GARS1: variants seen among roughly 807,000 people sequenced by gnomAD.
The protein encoded by GARS1 is glycyl-tRNA synthetase 1.
In GARS1, 46 loss-of-function variants were observed where a neutral mutation model predicts 86.4. The ratio of observed to expected loss-of-function variants is 0.53; its 90% CI spans 0.42 to 0.68. GARS1 has a LOEUF of 0.68. Ranked by LOEUF, GARS1 falls within the 30% of genes least tolerant of loss-of-function variation. GARS1 has a pLI of 0.00. For synonymous variants in GARS1, 342 were observed against 329.8 expected, an observed-to-expected ratio of 1.04 and a Z score of -0.40; for missense variants, 797 against 915.6, an observed-to-expected ratio of 0.87 and a Z score of 1.67.
chr7:30,633,817 T>C lies in GARS1; in HGVS notation c.2177T>C (p.Phe726Ser), dbSNP rs1397264514. The C allele has an allele frequency of 1.2e-6, 2 of 1,613,956 alleles. No homozygotes were observed. Among genetic ancestry groups the C allele is most frequent in the Non-Finnish European group, 1.7e-6 (2 of 1,180,008 alleles). Residue 726 changes from phenylalanine (F) to serine (S), a missense_variant, in exon 17 of 17, where the codon TTT becomes TCT. Phe to Ser is a radical substitution (Grantham distance 155). Transcript: ENST00000389266. ...WADVEARYPL[F>S]EGQETGKKET... ...GATGTGGAGGCCAGGTATCCTCTGT[T>C]TGAAGGGCAAGAGACTGGTAAAAAA...
Position 30,599,112 on chromosome 7 carries a change from C to T in GARS1, c.324+215C>T, listed in dbSNP as rs149335364. On this transcript the variant is annotated intron_variant, in intron 2 of 16. Coordinates refer to ENST00000389266, the MANE Select transcript of GARS1 (RefSeq NM_002047.4). ...ATGTCAACTTTTTAATAAAGCCTTCCTGACCCTGCAAATGCTGGACTCAAT... is the reference window on the plus strand; with the variant it reads ...ATGTCAACTTTTTAATAAAGCCTTCTTGACCCTGCAAATGCTGGACTCAAT... Among the ~76,000 whole-genome samples, 352 of 152,298 alleles carry T rather than the reference C, an allele frequency of 2.3e-3. 3 individuals carry two copies. Among genetic ancestry groups the T allele is most frequent in the African/African-American group, 8.1e-3 (335 of 41,562 alleles).
chr7:30,625,207 G>A (rs771594918), intron 12 of GARS1, among the ~76,000 whole-genome samples: 16 of 152,192 alleles, frequency 1.1e-4, no homozygotes, highest in Non-Finnish European at 2.1e-4. Flanking sequence ...ACCTCCCAAA[G>A]TGCTGGGATT....
Position 30,601,174 on chromosome 7 carries a change from C to A in GARS1, c.543C>A (p.Thr181=). 6.2e-7 allele frequency: 1 copy of A among 1,614,108 alleles called. No homozygotes were observed. The highest frequency in any genetic ancestry group is 1.7e-5 in the Admixed American group (1 of 60,024). The part of the protein sequence containing the change: ...QEEQILEIDC[T]MLTPEPVLKT... Reference sequence around the variant, plus strand: ...AACAGATCCTGGAGATCGATTGCACCATGCTCACCCCTGAGCCAGTTTTAA... The same window carrying A: ...AACAGATCCTGGAGATCGATTGCACAATGCTCACCCCTGAGCCAGTTTTAA... The change falls in exon 4 of 17, where the codon ACC becomes ACA. Residue 181 remains threonine, a synonymous_variant. Coordinates refer to ENST00000389266, the MANE Select transcript of GARS1 (RefSeq NM_002047.4).
chr7:30,594,807 T>C (rs562788409), upstream of GARS1: 15 of 890,060 alleles, frequency 1.7e-5, no homozygotes, highest in Admixed American at 7.4e-5. Context: ...CGGTGGTGAA[T>C]GTGCGGCAGC....
At chr7:30,617,339 A>C in intron 10 of GARS1, 61 bp downstream of exon 10, 2 of 1,568,766 alleles carry the variant, frequency 1.3e-6, no homozygotes, top group Non-Finnish European at 1.7e-6. Context: ...CACAGGTACC[A>C]AATGAATTTT....
intron 8 of GARS1, among the ~76,000 whole-genome samples, chr7:30,613,821 G>A (rs930867523): frequency 6.6e-6 from 1 of 152,178 alleles, no homozygotes; most frequent in East Asian, 1.9e-4. Context: ...GGTAGGACTA[G>A]GATTGGTTTA....
chr7:30,602,551 A>G (rs1791402288), intron 4 of GARS1, among the ~76,000 whole-genome samples: 1 of 152,244 alleles, frequency 6.6e-6, no homozygotes, highest in South Asian at 2.1e-4. Flanking sequence ...CATTTTAGCT[A>G]CTTGTTCCAC....
Position 30,626,333 on chromosome 7 carries a change from A to C in GARS1, c.1699+14A>C, listed in dbSNP as rs1185942192. On this transcript the variant is annotated intron_variant, in intron 13 of 16. Transcript: ENST00000389266. The stretch of plus-strand genomic sequence containing the variant: ...AAACACTATATGGTAAATTTGTAAA[A>C]ATAATAAACAAAAAGTCACTGCTCC... The C allele has an allele frequency of 6.9e-7, 1 of 1,453,660 alleles. No homozygotes were observed. The highest frequency in any genetic ancestry group is 9.7e-7 in the Non-Finnish European group (1 of 1,036,008). The allele number at this position is 1,453,660 out of a possible 1,614,324, so 90.0% of individuals were successfully genotyped here.
rs545573204 is a variant in GARS1, at chr7:30,606,123, A to G, written c.735+2551A>G. On this transcript the variant is annotated intron_variant, in intron 6 of 16. Coordinates refer to ENST00000389266, the MANE Select transcript of GARS1 (RefSeq NM_002047.4). ...ACACATGTTCATCTTTTTCTCTATTAGATTTAGAAGCTTGACCAGGTATTT... is the reference window on the plus strand; with the variant it reads ...ACACATGTTCATCTTTTTCTCTATTGGATTTAGAAGCTTGACCAGGTATTT... Among the ~76,000 whole-genome samples, 5 of 152,198 alleles carry G rather than the reference A, an allele frequency of 3.3e-5. No homozygotes were observed. The East Asian group carries it at 9.7e-4, about 29-fold the overall frequency.
At chr7:30,602,329 G>A (rs191321854) in intron 4 of GARS1, among the ~76,000 whole-genome samples, 7 of 152,204 alleles carry the variant, frequency 4.6e-5, no homozygotes, top group Non-Finnish European at 7.4e-5. Context: ...CGCCTGCCTC[G>A]GCCTCCCAAA....
At chr7:30,622,044 A>G (rs560967661) in intron 11 of GARS1, 23 of 464,834 alleles carry the variant, frequency 4.9e-5, no homozygotes, top group Non-Finnish European at 6.7e-5. Flanking sequence ...AGAAGTTCTT[A>G]TGCTATGGGT....
At chr7:30,615,553 G>GAGCC (rs889826833) in intron 8 of GARS1, among the ~76,000 whole-genome samples, 2 of 152,110 alleles carry the variant, frequency 1.3e-5, no homozygotes, top group African/African-American at 4.8e-5. Flanking sequence ...GATGTAGCTG[G>GAGCC]AGGGAAGGAA....
At chr7:30,630,938 G>A (rs532528698) in intron 14 of GARS1, among the ~76,000 whole-genome samples, 1 of 152,302 alleles carries the variant, frequency 6.6e-6, no homozygotes, top group East Asian at 1.9e-4. Flanking sequence ...TTGGACATAT[G>A]TTTGTGAGCT....
chr7:30,607,939 A>G (rs1353515203), intron 6 of GARS1, among the ~76,000 whole-genome samples: 2 of 152,204 alleles, frequency 1.3e-5, no homozygotes, highest in African/African-American at 4.8e-5. Flanking sequence ...GTTGCATTCC[A>G]TACACACTTT....
At chr7:30,603,327 G>A (rs992771630) in intron 5 of GARS1, among the ~76,000 whole-genome samples, 169 bp from the exon 6 acceptor site, 2 of 152,134 alleles carry the variant, frequency 1.3e-5, no homozygotes, top group South Asian at 4.1e-4. Context: ...TTTCTAATTA[G>A]CAAATGAATC....
intron 13 of GARS1, among the ~76,000 whole-genome samples, chr7:30,628,137 C>T (rs1306097438): frequency 2.0e-5 from 3 of 151,876 alleles, no homozygotes; most frequent in African/African-American, 7.3e-5. Flanking sequence ...AGATAAAAAT[C>T]CATCTAGAAT....
intron 8 of GARS1, 116 bp from the exon 9 acceptor site, chr7:30,615,780 A>G: frequency 2.6e-6 from 3 of 1,134,790 alleles, no homozygotes; most frequent in East Asian, 2.5e-5. Context: ...GAAAAAGACC[A>G]CTATAGTATG....
rs1256234537 is a variant in GARS1, at chr7:30,631,972, G to A, written c.1904-275G>A. 3 of 456,314 alleles carry A rather than the reference G, an allele frequency of 6.6e-6. No individual in the cohort carries two copies. The East Asian group carries it at 1.3e-4, about 20-fold the overall frequency. 28.3% of individuals were successfully genotyped at this position (456,314 alleles called of 1,614,324 possible). Reference sequence around the variant, plus strand: ...TGACCTGCTTAGAGCCATAAAAATAGAGGTGGTGGAGTCAGGACTCACCTT... The same window carrying A: ...TGACCTGCTTAGAGCCATAAAAATAAAGGTGGTGGAGTCAGGACTCACCTT... On this transcript the variant is annotated intron_variant, in intron 15 of 16. Coordinates refer to ENST00000389266, the MANE Select transcript of GARS1 (RefSeq NM_002047.4).
intron 6 of GARS1, among the ~76,000 whole-genome samples, chr7:30,605,450 C>T (rs1791461203): frequency 6.6e-6 from 1 of 152,122 alleles, no homozygotes; most frequent in Non-Finnish European, 1.5e-5. Context: ...TACCTATCAC[C>T]CTGCTTCACT....
Sources: allele counts gnomAD v4.1 joint callset (sites outside exome capture counted in the v4.1 genomes callset), GRCh38; gene constraint gnomAD v4.1.1; transcripts MANE v1.5; gene names NCBI Gene and HGNC (gene_info 2026-07-23, HGNC 2026-07-21).